ASPRV1: variants seen among roughly 807,000 people sequenced by gnomAD.
ASPRV1 encodes aspartic peptidase retroviral like 1.
Under a neutral mutation model 11.0 loss-of-function variants are expected in ASPRV1, and 7 were observed. The observed-to-expected ratio is 0.64, with a 90% confidence interval of 0.36 to 1.20. The LOEUF (loss-of-function observed/expected upper bound fraction) is 1.20. Ranked by LOEUF, ASPRV1 falls within the 50% of genes most tolerant of loss-of-function variation. The probability of loss-of-function intolerance (pLI) is 0.02; values close to 1 mark genes in which losing one functional copy is unlikely to be tolerated. For missense variants in ASPRV1, 299 were observed against 320.0 expected (o/e 0.93, Z 0.50); for synonymous variants, 136 against 138.4 (o/e 0.98, Z 0.12).
the ASPRV1 span, chr2:69,998,251 T>C: frequency 1.3e-5 from 2 of 152,060 alleles, no homozygotes; most frequent in African/African-American, 4.8e-5. Context: ...AGTGGGGACA[T>C]AGTGAATACC....
chr2:69,938,357 C>T, the ASPRV1 span: 4 of 1,470,448 alleles, frequency 2.7e-6, no homozygotes, highest in Non-Finnish European at 3.7e-6. Context: ...ATTGGACCTG[C>T]CCACAACTCC....
chr2:69,961,515 G>T lies in ASPRV1; in HGVS notation c.-79C>A. On this transcript the variant is annotated 5_prime_UTR_variant, in exon 1 of 1. Transcript: ENST00000320256. ...CACAGAGCAGTGTCGGCGCAATCAC[G>T]CTGGAAAACGGGGCCTCTCGAAGCA... 1 of 1,614,148 alleles carries T rather than the reference G, an allele frequency of 6.2e-7. No individual in the cohort carries two copies. Among genetic ancestry groups the T allele is most frequent in the Non-Finnish European group, 8.5e-7 (1 of 1,180,044 alleles).
At chr2:69,971,988 C>G in the ASPRV1 span, among the ~76,000 whole-genome samples, 1 of 152,190 alleles carries the variant, frequency 6.6e-6, no homozygotes, top group Non-Finnish European at 1.5e-5. Context: ...GGGGCTTAGC[C>G]AGTACTGCAC....
the ASPRV1 span, among the ~76,000 whole-genome samples, chr2:70,010,074 G>A: frequency 1.1e-4 from 17 of 152,108 alleles, no homozygotes; most frequent in African/African-American, 4.1e-4. Flanking sequence ...CTGGAGGAGG[G>A]GAAAAGACGA....
chr2:70,046,196 GTTTT>G, the ASPRV1 span: 1 of 152,120 alleles, frequency 6.6e-6, no homozygotes, highest in South Asian at 2.1e-4. Flanking sequence ...GTGGTGTTTT[GTTTT>G]TTGTTTTTTC....
At chr2:70,073,741 G>A in the ASPRV1 span, among the ~76,000 whole-genome samples, 1 of 151,940 alleles carries the variant, frequency 6.6e-6, no homozygotes, top group South Asian at 2.1e-4. Context: ...GGTTCCCTTG[G>A]CAACCAGCCT....
chr2:69,992,139 T>G, the ASPRV1 span, among the ~76,000 whole-genome samples: 1 of 152,208 alleles, frequency 6.6e-6, no homozygotes, highest in South Asian at 2.1e-4. Flanking sequence ...CTTAATGATC[T>G]TTGTTCCACT....
At chr2:70,050,473 G>T in the ASPRV1 span, 1 of 151,714 alleles carries the variant, frequency 6.6e-6, no homozygotes, top group African/African-American at 2.4e-5. Context: ...TCTAAACATT[G>T]GTCTAGTAGC....
the ASPRV1 span, chr2:70,003,282 G>A: frequency 6.6e-6 from 1 of 152,252 alleles, no homozygotes; most frequent in Non-Finnish European, 1.5e-5. Flanking sequence ...CCTTGGCCAA[G>A]GTACTTCACA....
At chr2:69,962,138 G>T (rs1247195775), upstream of ASPRV1, 1 of 175,794 alleles carries the variant, frequency 5.7e-6, no homozygotes, top group Non-Finnish European at 1.4e-5. Flanking sequence ...CCTGGAGAGG[G>T]AGGCAGAGGA....
Position 69,960,667 on chromosome 2 carries a change from AGCTCCTGCC to A in ASPRV1, c.761_769del (p.Arg254_Glu256del). On this transcript the variant is annotated inframe_deletion, in exon 1 of 1. Coordinates refer to ENST00000320256, the MANE Select transcript of ASPRV1 (RefSeq NM_152792.4). ...AGAAAAGGTGGCTTCTCAGTGGGAT[AGCTCCTGCC>A]GCCCTTCTTCTGAGGAGGGGTCCTC... is the stretch of plus-strand genomic sequence containing the variant. The A allele has an allele frequency of 1.2e-6, 2 of 1,611,454 alleles. No homozygotes were observed. Among genetic ancestry groups the A allele is most frequent in the Non-Finnish European group, 1.7e-6 (2 of 1,178,954 alleles).
chr2:70,060,246 C>T, the ASPRV1 span: 2 of 146,940 alleles, frequency 1.4e-5, no homozygotes, highest in Non-Finnish European at 3.0e-5. Context: ...GAGGCTGAGG[C>T]ATGAGAATTA....
chr2:69,950,624 TTGAGG>T, the ASPRV1 span, among the ~76,000 whole-genome samples: 13 of 151,936 alleles, frequency 8.6e-5, no homozygotes, highest in East Asian at 2.5e-3. Context: ...GGTGGATCAC[TTGAGG>T]TCAGGGGTTC....
chr2:69,947,466 C>T, the ASPRV1 span, among the ~76,000 whole-genome samples: 2 of 152,184 alleles, frequency 1.3e-5, no homozygotes, highest in Non-Finnish European at 2.9e-5. Flanking sequence ...ATTCACACTT[C>T]ACCTTTAGTA....
At chr2:70,017,655 T>C in the ASPRV1 span, among the ~76,000 whole-genome samples, 1 of 152,070 alleles carries the variant, frequency 6.6e-6, no homozygotes, top group African/African-American at 2.4e-5. Context: ...ACCAAAAAAC[T>C]GTTAGAACTG....
rs760137345 is a variant in ASPRV1 at position 69,961,142 on chromosome 2, G to C, written c.295C>G (p.Pro99Ala). The change falls in exon 1 of 1, where the codon CCC becomes GCC. Residue 99 changes from proline to alanine, a missense_variant. Physicochemically the swap from Pro to Ala is conservative, Grantham distance 27. Coordinates refer to ENST00000320256, the MANE Select transcript of ASPRV1 (RefSeq NM_152792.4). ...GVPGAAPSHL[P>A]KEIVFANSMG... ...CTGTTGGCAAAGACGATCTCTTTGGGCAGGTGGCTGGGGGCAGCCCCAGGG... is the reference window on the plus strand; with the variant it reads ...CTGTTGGCAAAGACGATCTCTTTGGCCAGGTGGCTGGGGGCAGCCCCAGGG... The C allele has an allele frequency of 6.2e-7, 1 of 1,613,930 alleles. No individual in the cohort carries two copies. The highest frequency in any genetic ancestry group is 1.7e-5 in the Admixed American group (1 of 60,012).
At chr2:70,086,519 C>A in the ASPRV1 span, 2 of 152,200 alleles carry the variant, frequency 1.3e-5, no homozygotes, top group African/African-American at 4.8e-5. Flanking sequence ...ACGGGGCCGC[C>A]CCCCTTGAGC....
At chr2:69,986,273 A>G in the ASPRV1 span, among the ~76,000 whole-genome samples, 1 of 152,232 alleles carries the variant, frequency 6.6e-6, no homozygotes, top group Non-Finnish European at 1.5e-5. Flanking sequence ...CTCTATCTAC[A>G]TGAGGCCCAG....
the ASPRV1 span, among the ~76,000 whole-genome samples, chr2:70,034,681 C>A: frequency 9.1e-3 from 1,382 of 152,270 alleles, 19 homozygotes; most frequent in African/African-American, 0.031. Context: ...CCCACAGACA[C>A]CTCCAATATA....
Sources: gnomAD v4.1 joint callset for allele counts (sites outside exome capture counted in the v4.1 genomes callset) on GRCh38, gnomAD v4.1.1 for gene constraint, MANE v1.5 for transcripts, NCBI Gene and HGNC (gene_info 2026-07-23, HGNC 2026-07-21) for gene names.